The following MROH2A variants were observed in gnomAD, a reference collection of about 807,000 sequenced individuals.
The protein encoded by MROH2A is maestro heat-like repeat-containing protein family member 2A.
MROH2A carries 174 observed loss-of-function variants against 200.4 expected under a neutral mutation model. The ratio of observed to expected loss-of-function variants is 0.87; its 90% CI spans 0.77 to 0.98. The LOEUF is 0.98. Among genes scored for constraint, MROH2A ranks in the 50% least tolerant of loss-of-function variants. The pLI, the probability that MROH2A is intolerant of heterozygous loss-of-function variation, is 0.00. For missense variants in MROH2A, 2,045 were observed against 2,139.6 expected (o/e 0.96, Z 0.87); for synonymous variants, 829 against 840.4 (o/e 0.99, Z 0.23).
chr2:233,792,664 C>T (rs544186296), intron 5 of MROH2A, 132 bp from the exon 6 acceptor site: 14 of 629,264 alleles, frequency 2.2e-5, no homozygotes, highest in Non-Finnish European at 3.7e-5. Flanking sequence ...TGGGCCCCAG[C>T]CAGGACAGAG....
intron 39 of MROH2A, 140 bp downstream of exon 39, chr2:233,831,680 C>T: frequency 1.1e-6 from 1 of 949,592 alleles, no homozygotes; most frequent in Non-Finnish European, 1.5e-6. Flanking sequence ...CGGCACTGTG[C>T]AGCAGAAATA....
At chr2:233,819,573 C>A in intron 30 of MROH2A, 104 bp downstream of exon 30, 2 of 1,193,142 alleles carry the variant, frequency 1.7e-6, no homozygotes, top group Non-Finnish European at 2.3e-6. Context: ...GCTGAGAATG[C>A]CTCCCCCAAC....
intron 26 of MROH2A, 67 bp downstream of exon 26, chr2:233,814,744 C>T: frequency 2.7e-6 from 3 of 1,110,482 alleles, no homozygotes; most frequent in South Asian, 2.8e-5. Flanking sequence ...GACTGAGGGC[C>T]AGACTCTGGG....
chr2:233,787,231 T>C (rs1701247578), intron 3 of MROH2A, among the ~76,000 whole-genome samples: 1 of 151,954 alleles, frequency 6.6e-6, no homozygotes, highest in Non-Finnish European at 1.5e-5. Flanking sequence ...TTTGCCTGGC[T>C]ATTTGTACAG....
At chr2:233,815,835 T>G (rs1703482676) in intron 26 of MROH2A, among the ~76,000 whole-genome samples, 2 of 127,530 alleles carry the variant, frequency 1.6e-5, no homozygotes, top group African/African-American at 5.9e-5. Flanking sequence ...ATGTAAGTCC[T>G]TAGATTTTGC....
intron 34 of MROH2A, among the ~76,000 whole-genome samples, 155 bp from the exon 35 acceptor site, chr2:233,823,401 G>A (rs1187192972): frequency 6.6e-6 from 1 of 152,350 alleles, no homozygotes; most frequent in East Asian, 1.9e-4. Flanking sequence ...CAAGTCCCCA[G>A]GAAGAGGAGG....
intron 35 of MROH2A, among the ~76,000 whole-genome samples, chr2:233,826,395 T>G (rs1467538150): frequency 1.3e-5 from 2 of 152,102 alleles, no homozygotes; most frequent in African/African-American, 2.4e-5. Flanking sequence ...TGGAACAGAA[T>G]AGAGAACTCA....
chr2:233,829,650 A>G lies in MROH2A; in HGVS notation c.4477A>G (p.Ile1493Val), dbSNP rs936232212. 20 of 1,471,450 alleles carry G rather than the reference A, an allele frequency of 1.4e-5. No individual in the cohort carries two copies. The highest frequency in any genetic ancestry group is 1.6e-5 in the Non-Finnish European group (18 of 1,109,556). The allele number at this position is 1,471,450 out of a possible 1,614,324, so 91.1% of individuals were successfully genotyped here. A position where few individuals can be genotyped will look rare whatever the true frequency, so the allele number is the denominator to read the frequency against. The change falls in exon 38 of 42, where the codon ATC becomes GTC. Residue 1493 changes from isoleucine (I) to valine (V), a missense_variant. This residue lies in a region of MROH2A where 1,201 missense variants were observed against 1,311.3 expected (regional missense o/e 0.92). Transcript: ENST00000389758. ...CGAGCTGCTGCGTCTGAAAGCCTTC[A>G]TCCTCTTTGGAAAGCTGGCAAGGGT... ...ESELLRLKAF[I>V]LFGKLARVVG... is the part of the protein sequence containing the mutation.
Position 233,789,913 on chromosome 2 carries a change from A to G in MROH2A, c.470A>G (p.His157Arg). ...SDTLVALSRNHFSLVMYELQH... is the reference protein window; with the variant it reads ...SDTLVALSRNRFSLVMYELQH... ...ACACTGGTGGCTCTGTCCCGAAACC[A>G]CTTCAGCTTGGTCATGTACGAGCTG... is the stretch of plus-strand genomic sequence containing the variant. Residue 157 changes from histidine to arginine, a missense_variant, in exon 5 of 42, where the codon CAC becomes CGC. Transcript: ENST00000389758. 1 of 1,550,382 alleles carries G rather than the reference A, an allele frequency of 6.5e-7. No homozygotes were observed. The highest frequency in any genetic ancestry group is 8.7e-7 in the Non-Finnish European group (1 of 1,146,894).
At chr2:233,802,914 C>T (rs1423949757) in intron 15 of MROH2A, among the ~76,000 whole-genome samples, 3 of 152,240 alleles carry the variant, frequency 2.0e-5, no homozygotes, top group African/African-American at 7.2e-5. Flanking sequence ...GCCAGTCAAT[C>T]CTCTGAGGTC....
chr2:233,799,422 G>A (rs1702316282), intron 12 of MROH2A, among the ~76,000 whole-genome samples: 1 of 152,156 alleles, frequency 6.6e-6, no homozygotes, highest in Non-Finnish European at 1.5e-5. Context: ...AGCGAGAAGA[G>A]GCTCGTTCTG....
chr2:233,832,763 T>TTGGGGGGGGGG, intron 41 of MROH2A, 119 bp downstream of exon 41: 1 of 389,290 alleles, frequency 2.6e-6, no homozygotes, highest in Non-Finnish European at 5.0e-6. Context: ...TTCGGGGGGG[T>TTGGGGGGGGGG]GGGAGTGCAA....
intron 3 of MROH2A, among the ~76,000 whole-genome samples, chr2:233,787,045 C>T (rs969964754): frequency 4.6e-5 from 7 of 152,288 alleles, no homozygotes; most frequent in Non-Finnish European, 1.0e-4. Flanking sequence ...CACAGATGCA[C>T]ACTCTACAGA....
chr2:233,785,530 A>C (rs1432337496), intron 3 of MROH2A, among the ~76,000 whole-genome samples: 1 of 151,702 alleles, frequency 6.6e-6, no homozygotes, highest in Admixed American at 6.6e-5. Flanking sequence ...GGGGCCAACC[A>C]TGCCATGCAG....
chr2:233,807,454 T>A lies in MROH2A; in HGVS notation c.2084T>A (p.Leu695Ter). 1 of 1,550,598 alleles carries A rather than the reference T, an allele frequency of 6.4e-7. No homozygotes were observed. The highest frequency in any genetic ancestry group is 8.7e-7 in the Non-Finnish European group (1 of 1,146,980). ...GFLYRALGFT[L>*]ATGLEASKVE... is the part of the protein sequence containing the mutation. ...CTGTACCGGGCCTTGGGCTTCACCTTGGCCACAGGCCTGGAGGCCAGCAAG... is the reference window on the plus strand; with the variant it reads ...CTGTACCGGGCCTTGGGCTTCACCTAGGCCACAGGCCTGGAGGCCAGCAAG... Residue 695 changes from leucine to a stop codon, truncating the protein, a stop_gained, in exon 20 of 42, where the codon TTG becomes TAG. Transcript: ENST00000389758. LOFTEE classifies it high-confidence loss of function. This position sits in a 1 kb window ranked among gnomAD's most constrained non-coding sequence, Gnocchi z 4.3.
rs1233675826 is a variant in MROH2A at position 233,815,553 on chromosome 2, G to A, written c.2856+876G>A. 5.9e-5 allele frequency among the ~76,000 whole-genome samples: 9 copies of A among 152,134 alleles called. No homozygotes were observed. In the South Asian group the frequency reaches 1.9e-3, roughly 31 times the overall value. The stretch of plus-strand genomic sequence containing the variant: ...TGATTAGGTCTATGATATATTTTGA[G>A]TTAATTTTTGTATGGTCTGAGGTAC... On this transcript the variant is annotated intron_variant, in intron 26 of 41. Transcript: ENST00000389758.
In MROH2A at chr2:233,828,695, G is replaced by T. The variant is rs780604230; in HGVS notation, c.4179G>T (p.Lys1393Asn). 2 of 1,550,744 alleles carry T rather than the reference G, an allele frequency of 1.3e-6. No homozygotes were observed. The highest frequency in any genetic ancestry group is 1.2e-5 in the South Asian group (1 of 84,070). The change falls in exon 36 of 42, where the codon AAG (lysine) becomes AAT (asparagine). Residue 1393 changes from lysine to asparagine, a missense_variant. Transcript: ENST00000389758. This position sits in a 1 kb window ranked among gnomAD's most constrained non-coding sequence, Gnocchi z 4.6. ...LLKPAALLLE[K>N]GADQEEDEAL... ...AGCCGGCAGCTTTGCTGCTGGAGAA[G>T]GGTGCCGACCAGGAGGAAGACGAGG...
chr2:233,833,067 T>A, intron 41 of MROH2A, 71 bp from the exon 42 acceptor site: 1 of 1,456,494 alleles, frequency 6.9e-7, no homozygotes, highest in Non-Finnish European at 9.1e-7. Context: ...CTGCCATCAC[T>A]GCCCAGGGCA....
At chr2:233,788,895 C>T (rs985537745) in intron 3 of MROH2A, among the ~76,000 whole-genome samples, 32 of 138,682 alleles carry the variant, frequency 2.3e-4, no homozygotes, top group African/African-American at 8.0e-4. Context: ...GGCGAAATCG[C>T]GCCACTGCAC....
Sources: gnomAD v4.1 joint callset for allele counts (sites outside exome capture counted in the v4.1 genomes callset) on GRCh38, gnomAD v4.1.1 for gene constraint, gnomAD v4.1.1 regional missense constraint, Gnocchi (gnomAD v3.1) non-coding constraint, MANE v1.5 for transcripts, NCBI Gene and HGNC (gene_info 2026-07-23, HGNC 2026-07-21) for gene names.